WDR17: variants seen among roughly 807,000 people sequenced by gnomAD.
WDR17 encodes the protein WD repeat-containing protein 17.
In WDR17, 143 loss-of-function variants were observed where a neutral mutation model predicts 161.7. The observed-to-expected ratio is 0.88, with a 90% confidence interval of 0.77 to 1.02. The LOEUF (loss-of-function observed/expected upper bound fraction) is 1.02. Among genes scored for constraint, WDR17 ranks in the 50% least tolerant of loss-of-function variants. WDR17 has a pLI of 0.00. For missense variants in WDR17, 1,469 were observed against 1,520.9 expected, an observed-to-expected ratio of 0.97 and a Z score of 0.57; for synonymous variants, 517 against 515.6, an observed-to-expected ratio of 1.00 and a Z score of -0.04.
chr4:176,102,957 C>A (rs907794683), intron 1 of WDR17, among the ~76,000 whole-genome samples: 73 of 152,268 alleles, frequency 4.8e-4, no homozygotes, highest in African/African-American at 1.7e-3. Context: ...AAAAAAAGCA[C>A]TCTGTCCTTT....
At chr4:176,142,954 A>G (rs1745515845) in intron 11 of WDR17, among the ~76,000 whole-genome samples, 1 of 152,096 alleles carries the variant, frequency 6.6e-6, no homozygotes, top group Admixed American at 6.6e-5. Context: ...ATCTCGGCTC[A>G]CGGCAACCTC....
At chr4:176,096,384 G>A (rs1341950440) in intron 1 of WDR17, 1 of 556,268 alleles carries the variant, frequency 1.8e-6, no homozygotes, top group African/African-American at 2.0e-5. Context: ...TGCAGTTCTA[G>A]CCTTTTGTAC....
rs781182957 is a variant in WDR17 at position 176,174,684 on chromosome 4, C to A, written c.3415C>A (p.Gln1139Lys). The A allele has an allele frequency of 6.2e-7, 1 of 1,611,708 alleles. No individual in the cohort carries two copies. The highest frequency in any genetic ancestry group is 8.5e-7 in the Non-Finnish European group (1 of 1,178,538). ...ATTACTGGCTATCAGAAGACAGTACCAAAGCATTGTTCCAGCACTTTATGA... is the reference window on the plus strand; with the variant it reads ...ATTACTGGCTATCAGAAGACAGTACAAAAGCATTGTTCCAGCACTTTATGA... ...GALLAIRRQY[Q>K]SIVPALYEYT... Residue 1139 changes from glutamine (Q) to lysine (K), a missense_variant, in exon 26 of 29, where the codon CAA (glutamine) becomes AAA (lysine). Transcript: ENST00000508596.
At chr4:176,088,159 T>G (rs543758234) in intron 1 of WDR17, among the ~76,000 whole-genome samples, 1 of 152,298 alleles carries the variant, frequency 6.6e-6, no homozygotes, top group East Asian at 1.9e-4. Flanking sequence ...TTTTATATAT[T>G]TTTATATATT....
At chr4:176,097,730 CACACACACACAT>C (rs1033820916) in intron 1 of WDR17, among the ~76,000 whole-genome samples, 13 of 129,858 alleles carry the variant, frequency 1.0e-4, no homozygotes, top group African/African-American at 3.8e-4. Context: ...TACACACACA[CACACACACACAT>C]ACACACACAC....
At position 176,125,284 on chromosome 4, in the gene WDR17, T is replaced by A. The variant is rs1328637199; in HGVS notation, c.719T>A (p.Leu240His). Residue 240 changes from leucine to histidine, a missense_variant, in exon 5 of 29, where the codon CTT (leucine) becomes CAT (histidine). By Grantham distance (99) the Leu-to-His change is moderately conservative. Coordinates refer to ENST00000508596, the MANE Select transcript of WDR17 (RefSeq NM_181265.4). ...ESLSCITTFN[L>H]PSAAASVQCL... ...CTTTCTTGCATAACAACATTTAATC[T>A]TCCCAGTGCAGCAGCTTCTGTACAG... The A allele has an allele frequency of 6.2e-7, 1 of 1,614,152 alleles. No individual in the cohort carries two copies. Among genetic ancestry groups the A allele is most frequent in the South Asian group, 1.1e-5 (1 of 91,078 alleles).
At chr4:176,102,596 A>G (rs138909100) in intron 1 of WDR17, among the ~76,000 whole-genome samples, 294 of 152,362 alleles carry the variant, frequency 1.9e-3, no homozygotes, top group African/African-American at 6.9e-3. Context: ...AGCAACAAGT[A>G]TGTCCTTCAG....
rs1265697482 is a variant in WDR17, at chr4:176,151,792, T to G, written c.2305-20T>G. On this transcript the variant is annotated intron_variant, in intron 16 of 28. Coordinates refer to ENST00000508596, the MANE Select transcript of WDR17 (RefSeq NM_181265.4). ...AAATATGTCAAATTTTTTTAAATTCTATTTTCTTTTTAAAACCAGTCTGAA... is the reference window on the plus strand; with the variant it reads ...AAATATGTCAAATTTTTTTAAATTCGATTTTCTTTTTAAAACCAGTCTGAA... 6.5e-7 allele frequency: 1 copy of G among 1,545,340 alleles called. No individual in the cohort carries two copies. The highest frequency in any genetic ancestry group is 2.3e-5 in the Admixed American group (1 of 44,118).
chr4:176,148,214 G>A lies in WDR17; in HGVS notation c.1776G>A (p.Met592Ile). 1 of 1,613,910 alleles carries A rather than the reference G, an allele frequency of 6.2e-7. No homozygotes were observed. The highest frequency in any genetic ancestry group is 8.5e-7 in the Non-Finnish European group (1 of 1,179,874). ...NGHTAPVRGL[M>I]WNTEIPYLLI... Reference sequence around the variant, plus strand: ...ACACTGCACCTGTGAGAGGATTAATGTGGAATACTGAGATTCCATATCTGC... The same window carrying A: ...ACACTGCACCTGTGAGAGGATTAATATGGAATACTGAGATTCCATATCTGC... Residue 592 changes from methionine to isoleucine, a missense_variant, in exon 13 of 29, where the codon ATG becomes ATA. Physicochemically the swap from Met to Ile is conservative, Grantham distance 10. Coordinates refer to ENST00000508596, the MANE Select transcript of WDR17 (RefSeq NM_181265.4).
chr4:176,154,578 C>T (rs1041465273), intron 17 of WDR17, among the ~76,000 whole-genome samples: 3 of 152,266 alleles, frequency 2.0e-5, no homozygotes, highest in Admixed American at 2.0e-4. Flanking sequence ...ATCTATTAGA[C>T]ATGTTTCTAT....
At chr4:176,136,259 C>A (rs940366071) in intron 8 of WDR17, among the ~76,000 whole-genome samples, 9 of 151,736 alleles carry the variant, frequency 5.9e-5, no homozygotes, top group African/African-American at 2.2e-4. Flanking sequence ...TTAAGCAGAA[C>A]ATAACTGAGC....
chr4:176,130,501 T>C (rs940467827), intron 6 of WDR17, among the ~76,000 whole-genome samples: 6 of 152,122 alleles, frequency 3.9e-5, no homozygotes, highest in South Asian at 2.1e-4. Context: ...TCCCAGCACT[T>C]CGGGAGGCCA....
chr4:176,139,689 G>A (rs527721486), intron 9 of WDR17, among the ~76,000 whole-genome samples: 171 of 152,000 alleles, frequency 1.1e-3, no homozygotes, highest in African/African-American at 4.0e-3. Flanking sequence ...CAACAGATTG[G>A]TATCTTAAAA....
At chr4:176,167,629 A>G (rs1277410624) in intron 22 of WDR17, among the ~76,000 whole-genome samples, 1 of 114,390 alleles carries the variant, frequency 8.7e-6, no homozygotes, top group Non-Finnish European at 1.7e-5. Context: ...CCTGGGCGAC[A>G]GCGAGACTCC....
At position 176,177,985 on chromosome 4, in the gene WDR17, CAAAAAAAAAAAAAAAAAAAAAAAAAAAA is replaced by C. The variant is rs869298899; in HGVS notation, c.3732+350_3732+377del. On this transcript the variant is annotated intron_variant, in intron 28 of 28. Transcript: ENST00000508596. Reference sequence around the variant, plus strand: ...GGGCAACAAGAGTGAAACTCCGTCTCAAAAAAAAAAAAAAAAAAAAAAAAAAAAAAAAAAAAAAAAAAAAAAGATCCCA... The same window carrying C: ...GGGCAACAAGAGTGAAACTCCGTCTCAAAAAAAAAAAAAAAAAAGATCCCA... 7.9e-3 allele frequency among the ~76,000 whole-genome samples: 365 copies of C among 46,296 alleles called. 8 individuals carry two copies. Among genetic ancestry groups the C allele is most frequent in the East Asian group, 0.041 (90 of 2,194 alleles). The allele number at this position is 46,296 out of a possible 152,430, so 30.4% of individuals were successfully genotyped here. A position where few individuals can be genotyped will look rare whatever the true frequency, so the allele number is the denominator to read the frequency against.
At chr4:176,109,112 T>A (rs1739291414) in intron 1 of WDR17, among the ~76,000 whole-genome samples, 2 of 152,188 alleles carry the variant, frequency 1.3e-5, no homozygotes, top group Admixed American at 6.5e-5. Flanking sequence ...TTTAAATGTG[T>A]GTTTAAAGAT....
chr4:176,111,584 T>A lies in WDR17; in HGVS notation c.4T>A (p.Ser2Thr). The change falls in exon 2 of 29, where the codon TCC becomes ACC. Residue 2 changes from serine (S) to threonine (T), a missense_variant. Transcript: ENST00000508596. ...AAATTTGTTTTTCAAGGCAAACATG[T>A]CCCAGGTAAGGCAAGTGGGATTGCT... M[S>T]QVRQVGLLAA... The A allele has an allele frequency of 6.2e-7, 1 of 1,602,216 alleles. No individual in the cohort carries two copies. The highest frequency in any genetic ancestry group is 8.5e-7 in the Non-Finnish European group (1 of 1,175,040).
At chr4:176,159,503 AT>A (rs1748706475) in intron 18 of WDR17, among the ~76,000 whole-genome samples, 1 of 152,066 alleles carries the variant, frequency 6.6e-6, no homozygotes, top group Admixed American at 6.5e-5. Context: ...GACATTCTAC[AT>A]TTTATTGTTA....
chr4:176,151,902 G>C lies in WDR17; in HGVS notation c.2395G>C (p.Ala799Pro). ...TAAAGAGGAAAGACTGAAGGAAGCT[G>C]CTGAAATCCACTTGAGATTAGGACA... ...PAKEERLKEA[A>P]EIHLRLGQIQ... is the part of the protein sequence containing the mutation. The change falls in exon 17 of 29, where the codon GCT (alanine) becomes CCT (proline). Residue 799 changes from alanine (A) to proline (P), a missense_variant. By Grantham distance (27) the Ala-to-Pro change is conservative. Coordinates refer to ENST00000508596, the MANE Select transcript of WDR17 (RefSeq NM_181265.4). The C allele has an allele frequency of 6.2e-7, 1 of 1,613,414 alleles. No individual in the cohort carries two copies. Among genetic ancestry groups the C allele is most frequent in the South Asian group, 1.1e-5 (1 of 90,868 alleles).
Sources: gnomAD v4.1 joint callset for allele counts (sites outside exome capture counted in the v4.1 genomes callset) on GRCh38, gnomAD v4.1.1 for gene constraint, MANE v1.5 for transcripts, NCBI Gene and HGNC (gene_info 2026-07-23, HGNC 2026-07-21) for gene names.